GALNT13: variants seen among roughly 807,000 people sequenced by gnomAD.
GALNT13 encodes the protein UDP-GalNAc:polypeptide N-acetylgalactosaminyltransferase 13.
Under a neutral mutation model 64.2 loss-of-function variants are expected in GALNT13, and 28 were observed. The observed-to-expected ratio is 0.44, with a 90% confidence interval of 0.32 to 0.60. GALNT13 has a LOEUF of 0.60. Ranked by LOEUF, GALNT13 falls within the 20% of genes least tolerant of loss-of-function variation. The pLI is 0.05. For synonymous variants in GALNT13, 214 were observed against 224.6 expected (o/e 0.95, Z 0.42); for missense variants, 577 against 669.8 (o/e 0.86, Z 1.53).
chr2:153,387,699 G>A, the GALNT13 span, among the ~76,000 whole-genome samples: 1 of 152,016 alleles, frequency 6.6e-6, no homozygotes, highest in African/African-American at 2.4e-5. Flanking sequence ...CTCTTAAACT[G>A]TAGCCCAAAC....
At chr2:153,988,658 T>C (rs1694967273) in intron 3 of GALNT13, among the ~76,000 whole-genome samples, 1 of 151,976 alleles carries the variant, frequency 6.6e-6, no homozygotes, top group Non-Finnish European at 1.5e-5. Flanking sequence ...TATAAGTAGC[T>C]GATGTTATAC....
chr2:153,598,054 T>C, the GALNT13 span, among the ~76,000 whole-genome samples: 1 of 152,100 alleles, frequency 6.6e-6, no homozygotes, highest in African/African-American at 2.4e-5. Flanking sequence ...ATAGAGTTTA[T>C]AAATATGAAG....
chr2:153,425,484 G>T, the GALNT13 span, among the ~76,000 whole-genome samples: 6 of 151,628 alleles, frequency 4.0e-5, no homozygotes, highest in Non-Finnish European at 7.4e-5. Flanking sequence ...CATTTAGGAA[G>T]AAATAAATTC....
the GALNT13 span, among the ~76,000 whole-genome samples, chr2:153,304,870 T>C: frequency 6.6e-6 from 1 of 152,076 alleles, no homozygotes; most frequent in African/African-American, 2.4e-5. Context: ...ATAAAAAACA[T>C]TTGCGGAGAG....
In GALNT13 at chr2:153,903,515, T is replaced by C. The variant is rs540820403; in HGVS notation, c.-105+2508T>C. ...GGTCTCCAGGACCATTCTGCTTCAT[T>C]GATTCATGTTCCAAGTAAGGCCCAT... On this transcript the variant is annotated intron_variant, in intron 2 of 12. Coordinates refer to ENST00000392825, the MANE Select transcript of GALNT13 (RefSeq NM_052917.4). 2.6e-5 allele frequency among the ~76,000 whole-genome samples: 4 copies of C among 152,100 alleles called. No homozygotes were observed. In the South Asian group the frequency reaches 8.3e-4, roughly 32 times the overall value.
the GALNT13 span, among the ~76,000 whole-genome samples, chr2:153,846,328 G>A: frequency 3.9e-5 from 6 of 152,038 alleles, no homozygotes; most frequent in African/African-American, 1.4e-4. Context: ...AGCGAGAAAT[G>A]TTTCCCAAAA....
chr2:153,071,735 A>G, the GALNT13 span, among the ~76,000 whole-genome samples: 1 of 152,254 alleles, frequency 6.6e-6, no homozygotes, highest in Non-Finnish European at 1.5e-5. Context: ...GAGGTTGGAT[A>G]AACTGTGGCT....
the GALNT13 span, among the ~76,000 whole-genome samples, chr2:153,152,783 C>T: frequency 6.6e-6 from 1 of 152,064 alleles, no homozygotes; most frequent in South Asian, 2.1e-4. Flanking sequence ...GTATATGTAC[C>T]ACATTTTCTT....
the GALNT13 span, among the ~76,000 whole-genome samples, chr2:153,533,714 G>C: frequency 2.7e-5 from 1 of 36,848 alleles, no homozygotes. Context: ...TTGATATCCT[G>C]AGGTTTTTCT....
chr2:154,036,342 T>G (rs778907253), intron 3 of GALNT13, among the ~76,000 whole-genome samples: 1 of 152,090 alleles, frequency 6.6e-6, no homozygotes, highest in Non-Finnish European at 1.5e-5. Flanking sequence ...AAATTCTGCA[T>G]TGCAGATACT....
chr2:153,785,081 C>A, the GALNT13 span, among the ~76,000 whole-genome samples: 1 of 152,190 alleles, frequency 6.6e-6, no homozygotes, highest in Non-Finnish European at 1.5e-5. Flanking sequence ...TTCCAAACCA[C>A]CTTGGAATGG....
chr2:154,201,459 T>C (rs1371099926), intron 4 of GALNT13, among the ~76,000 whole-genome samples: 2 of 152,132 alleles, frequency 1.3e-5, no homozygotes, highest in Non-Finnish European at 2.9e-5. Flanking sequence ...TTAGCAATCA[T>C]GGCAAGAAGA....
At chr2:153,575,311 T>G in the GALNT13 span, among the ~76,000 whole-genome samples, 4 of 152,206 alleles carry the variant, frequency 2.6e-5, no homozygotes, top group Admixed American at 6.5e-5. Context: ...TGTGCTGAGT[T>G]AGACCTATAG....
chr2:153,767,163 C>T, the GALNT13 span, among the ~76,000 whole-genome samples: 17 of 152,186 alleles, frequency 1.1e-4, no homozygotes, highest in East Asian at 7.7e-4. Flanking sequence ...TCCATGTATA[C>T]CCATTGTTTT....
At chr2:153,671,316 C>T in the GALNT13 span, among the ~76,000 whole-genome samples, 1 of 152,104 alleles carries the variant, frequency 6.6e-6, no homozygotes, top group South Asian at 2.1e-4. Flanking sequence ...GTTGGTTTAC[C>T]CACAAAGGGA....
chr2:153,909,151 C>G (rs964248619), intron 2 of GALNT13, among the ~76,000 whole-genome samples: 6 of 151,828 alleles, frequency 4.0e-5, no homozygotes, highest in Non-Finnish European at 8.8e-5. Flanking sequence ...GGTATTTTGT[C>G]ACAGTTGTGA....
chr2:154,424,707 C>A (rs566695762), intron 11 of GALNT13, among the ~76,000 whole-genome samples: 4 of 152,352 alleles, frequency 2.6e-5, no homozygotes, highest in East Asian at 3.9e-4. Flanking sequence ...GGATCCCCAA[C>A]AGAATTAAGC....
At chr2:153,905,205 C>T (rs1688476870) in intron 2 of GALNT13, among the ~76,000 whole-genome samples, 1 of 151,844 alleles carries the variant, frequency 6.6e-6, no homozygotes, top group Non-Finnish European at 1.5e-5. Flanking sequence ...TGCATTCAAT[C>T]TATTGTTAAG....
the GALNT13 span, among the ~76,000 whole-genome samples, chr2:153,801,090 G>A: frequency 1.3e-5 from 2 of 152,234 alleles, no homozygotes; most frequent in Non-Finnish European, 2.9e-5. Context: ...GAATTAAAGA[G>A]AGTTAGGGCT....
Sources: gnomAD v4.1 joint callset for allele counts (sites outside exome capture counted in the v4.1 genomes callset) on GRCh38, gnomAD v4.1.1 for gene constraint, MANE v1.5 for transcripts, NCBI Gene and HGNC (gene_info 2026-07-23, HGNC 2026-07-21) for gene names.